The following KIRREL3 variants were observed in gnomAD, a reference collection of about 807,000 sequenced individuals.
The protein encoded by KIRREL3 is kin of IRRE-like protein 3.
Under a neutral mutation model 89.7 loss-of-function variants are expected in KIRREL3, and 36 were observed. That is an observed-to-expected ratio of 0.40 (90% confidence interval 0.31 to 0.53). The LOEUF (loss-of-function observed/expected upper bound fraction) is 0.53, where lower values mean the gene tolerates loss of function less well. Among genes scored for constraint, KIRREL3 ranks in the 20% least tolerant of loss-of-function variants. The probability of loss-of-function intolerance (pLI) is 0.49; values close to 1 mark genes in which losing one functional copy is unlikely to be tolerated. For synonymous variants in KIRREL3, 445 were observed against 441.4 expected, an observed-to-expected ratio of 1.01 and a Z score of -0.10; for missense variants, 864 against 1,056.6, an observed-to-expected ratio of 0.82 and a Z score of 2.53.
chr11:126,969,520 G>T lies in KIRREL3; in HGVS notation c.55+30935C>A, dbSNP rs897666045. Among the ~76,000 whole-genome samples, 3 of 152,176 alleles carry T rather than the reference G, an allele frequency of 2.0e-5. No individual in the cohort carries two copies. Among genetic ancestry groups the T allele is most frequent in the African/African-American group, 7.2e-5 (3 of 41,438 alleles). ...GGAGTAAGAACGTCTCCTGAGGGCG[G>T]AGGCTGTGGGTAGCAATGGAGCATG... On this transcript the variant is annotated intron_variant, in intron 1 of 16. Coordinates refer to ENST00000525144, the MANE Select transcript of KIRREL3 (RefSeq NM_032531.4). This position sits in a 1 kb window ranked among gnomAD's most constrained non-coding sequence, Gnocchi z 4.9.
chr11:126,448,850 A>G (rs1338280341), intron 8 of KIRREL3, among the ~76,000 whole-genome samples, 159 bp downstream of exon 8: 3 of 152,180 alleles, frequency 2.0e-5, no homozygotes, highest in African/African-American at 7.2e-5. Context: ...TAAACATGAA[A>G]CAATGCACAA....
chr11:126,687,168 C>T lies in KIRREL3; in HGVS notation c.56-124256G>A, dbSNP rs1946696364. ...CACCCCAGAAATAAGCTAAGTAACA[C>T]CTGCAACACTGTCATCAAACGTGCT... On this transcript the variant is annotated intron_variant, in intron 1 of 16. Coordinates refer to ENST00000525144, the MANE Select transcript of KIRREL3 (RefSeq NM_032531.4). This position sits in a 1 kb window ranked among gnomAD's most constrained non-coding sequence, Gnocchi z 4.6. Among the ~76,000 whole-genome samples the T allele has an allele frequency of 6.6e-6, 1 of 152,178 alleles. No homozygotes were observed. The highest frequency in any genetic ancestry group is 2.4e-5 in the African/African-American group (1 of 41,440).
intron 1 of KIRREL3, among the ~76,000 whole-genome samples, chr11:126,957,769 T>C (rs751464260): frequency 6.6e-6 from 1 of 152,202 alleles, no homozygotes; most frequent in Non-Finnish European, 1.5e-5. Flanking sequence ...ACACAGACAG[T>C]TAGGCATAGG....
intron 1 of KIRREL3, among the ~76,000 whole-genome samples, chr11:126,725,470 C>T (rs1408983148): frequency 6.6e-6 from 1 of 152,340 alleles, no homozygotes; most frequent in South Asian, 2.1e-4. Context: ...TTCTTGACAT[C>T]TCCATACATC....
At chr11:126,444,495 C>T (rs1182024594) in intron 10 of KIRREL3, among the ~76,000 whole-genome samples, 4 of 152,196 alleles carry the variant, frequency 2.6e-5, no homozygotes, top group Non-Finnish European at 5.9e-5. Flanking sequence ...CGTAGTGGCA[C>T]GTGCCTGTAG....
At position 126,574,371 on chromosome 11, in the gene KIRREL3, T is replaced by C. The variant is rs1941140508; in HGVS notation, c.56-11459A>G. On this transcript the variant is annotated intron_variant, in intron 1 of 16. Transcript: ENST00000525144. The surrounding 1 kb of genome is among the most constrained non-coding windows in gnomAD (Gnocchi z 5.3). ...AACAAAAATCAAAGCTCTTTTCTTC[T>C]CTTTAATGATAACCTTTCAGCAGTG... is the stretch of plus-strand genomic sequence containing the variant. 6.6e-6 allele frequency among the ~76,000 whole-genome samples: 1 copy of C among 152,122 alleles called. No individual in the cohort carries two copies. Among genetic ancestry groups the C allele is most frequent in the African/African-American group, 2.4e-5 (1 of 41,416 alleles).
chr11:126,711,732 G>C (rs946155694), intron 1 of KIRREL3, among the ~76,000 whole-genome samples: 1 of 152,208 alleles, frequency 6.6e-6, no homozygotes, highest in Non-Finnish European at 1.5e-5. Context: ...AGTAAGGTGA[G>C]AATTTAGTAG....
rs61217908 is a variant in KIRREL3 at position 126,663,182 on chromosome 11, CT to C, written c.56-100271del. 4.2e-3 allele frequency among the ~76,000 whole-genome samples: 384 copies of C among 90,788 alleles called. 1 individual carries two copies. The highest frequency in any genetic ancestry group is 9.8e-3 in the African/African-American group (223 of 22,664). 59.6% of individuals were successfully genotyped at this position (90,788 alleles called of 152,430 possible). ...GGGGAGGTTTTGATATCATGTCTGG[CT>C]TTTTTTTTTTTTTTTTTTTTGAGAT... On this transcript the variant is annotated intron_variant, in intron 1 of 16. Transcript: ENST00000525144.
At position 126,778,241 on chromosome 11, in the gene KIRREL3, A is replaced by G. The variant is rs1262331884; in HGVS notation, c.56-215329T>C. Among the ~76,000 whole-genome samples the G allele has an allele frequency of 6.6e-6, 1 of 152,158 alleles. No individual in the cohort carries two copies. The highest frequency in any genetic ancestry group is 1.5e-5 in the Non-Finnish European group (1 of 68,026). On this transcript the variant is annotated intron_variant, in intron 1 of 16. Transcript: ENST00000525144. This position sits in a 1 kb window ranked among gnomAD's most constrained non-coding sequence, Gnocchi z 4.5. The stretch of plus-strand genomic sequence containing the variant: ...TTTAATTAAAATGGGATCATATTAT[A>G]CACCTTGTTCTGTATCTTGCTTCTT...
At position 126,906,162 on chromosome 11, in the gene KIRREL3, C is replaced by CT. The variant is rs1401493820; in HGVS notation, c.55+94292dup. Among the ~76,000 whole-genome samples the CT allele has an allele frequency of 6.6e-6, 1 of 152,180 alleles. No homozygotes were observed. The highest frequency in any genetic ancestry group is 1.9e-4 in the East Asian group (1 of 5,178). ...ATTCCCTCACTCAGAGATAGGCTCT[C>CT]TTTTCTCTCTGTACACTCCAGCTCC... is the stretch of plus-strand genomic sequence containing the variant. On this transcript the variant is annotated intron_variant, in intron 1 of 16. Transcript: ENST00000525144. The surrounding 1 kb of genome is among the most constrained non-coding windows in gnomAD (Gnocchi z 4.1).
intron 1 of KIRREL3, among the ~76,000 whole-genome samples, chr11:126,727,953 G>T (rs373804804): frequency 6.6e-6 from 1 of 152,006 alleles, no homozygotes; most frequent in Non-Finnish European, 1.5e-5. Flanking sequence ...GAATTGGCTT[G>T]AAGTAGGGCT....
chr11:126,865,975 G>A (rs1944904896), intron 1 of KIRREL3, among the ~76,000 whole-genome samples: 1 of 152,046 alleles, frequency 6.6e-6, no homozygotes, highest in African/African-American at 2.4e-5. Flanking sequence ...CAGCCCAGTA[G>A]ACACAGCCCA....
In KIRREL3 at chr11:126,805,953, G is replaced by T. The variant is rs1487541258; in HGVS notation, c.55+194502C>A. Among the ~76,000 whole-genome samples, 3 of 152,112 alleles carry T rather than the reference G, an allele frequency of 2.0e-5. No homozygotes were observed. Among genetic ancestry groups the T allele is most frequent in the South Asian group, 2.1e-4 (1 of 4,826 alleles). ...TCTCCCTTGGCTGTCCTCTGAATGT[G>T]CCTGTGCCCCCAAATCCTCCCTTCA... On this transcript the variant is annotated intron_variant, in intron 1 of 16. Coordinates refer to ENST00000525144, the MANE Select transcript of KIRREL3 (RefSeq NM_032531.4). This position sits in a 1 kb window ranked among gnomAD's most constrained non-coding sequence, Gnocchi z 4.3.
At chr11:126,437,408 C>T (rs1301042072) in intron 11 of KIRREL3, among the ~76,000 whole-genome samples, 2 of 152,212 alleles carry the variant, frequency 1.3e-5, no homozygotes, top group Non-Finnish European at 2.9e-5. Context: ...ATAACACACA[C>T]ATCACCACGT....
In KIRREL3 at chr11:126,484,202, TCAC is replaced by T. The variant is rs1280020876; in HGVS notation, c.434-10739_434-10737del. The stretch of plus-strand genomic sequence containing the variant: ...ACCTGAGCACCTCTTACACTGGTCC[TCAC>T]CACATCTCTATTGCATTGACTTGTG... On this transcript the variant is annotated intron_variant, in intron 4 of 16. Transcript: ENST00000525144. This position sits in a 1 kb window ranked among gnomAD's most constrained non-coding sequence, Gnocchi z 5.2. 1.3e-5 allele frequency among the ~76,000 whole-genome samples: 2 copies of T among 152,202 alleles called. No homozygotes were observed. The highest frequency in any genetic ancestry group is 2.9e-5 in the Non-Finnish European group (2 of 68,032).
At chr11:126,838,285 T>C (rs1205266901) in intron 1 of KIRREL3, among the ~76,000 whole-genome samples, 1 of 152,220 alleles carries the variant, frequency 6.6e-6, no homozygotes, top group Non-Finnish European at 1.5e-5. Context: ...ATCTCTTAGG[T>C]TATTTTTCCC....
In KIRREL3 at chr11:126,704,439, C is replaced by A. The variant is rs1947434777; in HGVS notation, c.56-141527G>T. Among the ~76,000 whole-genome samples the A allele has an allele frequency of 1.3e-5, 2 of 152,204 alleles. No individual in the cohort carries two copies. Among genetic ancestry groups the A allele is most frequent in the South Asian group, 4.1e-4 (2 of 4,824 alleles). ...AAAAGACTGCAGCAACCAGCCCCAG[C>A]TGGCTGTAGGGGCTCACAGTCTTGT... On this transcript the variant is annotated intron_variant, in intron 1 of 16. Transcript: ENST00000525144. This position sits in a 1 kb window ranked among gnomAD's most constrained non-coding sequence, Gnocchi z 4.2.
At position 126,918,535 on chromosome 11, in the gene KIRREL3, G is replaced by A. The variant is rs1055943436; in HGVS notation, c.55+81920C>T. 1.3e-5 allele frequency among the ~76,000 whole-genome samples: 2 copies of A among 152,150 alleles called. No individual in the cohort carries two copies. The highest frequency in any genetic ancestry group is 2.9e-5 in the Non-Finnish European group (2 of 68,028). On this transcript the variant is annotated intron_variant, in intron 1 of 16. Transcript: ENST00000525144. The surrounding 1 kb of genome is among the most constrained non-coding windows in gnomAD (Gnocchi z 6.5). Reference sequence around the variant, plus strand: ...TAACTAGCTGAATTATTACGTTTTTGCATAAACATTCTTCACCATCATCCA... The same window carrying A: ...TAACTAGCTGAATTATTACGTTTTTACATAAACATTCTTCACCATCATCCA...
At position 126,484,958 on chromosome 11, in the gene KIRREL3, G is replaced by A. The variant is rs758723293; in HGVS notation, c.434-11492C>T. On this transcript the variant is annotated intron_variant, in intron 4 of 16. Coordinates refer to ENST00000525144, the MANE Select transcript of KIRREL3 (RefSeq NM_032531.4). This position sits in a 1 kb window ranked among gnomAD's most constrained non-coding sequence, Gnocchi z 5.2. ...AGCCTTTTAAATAGCTGGGATTACAGGCACCTGCCACCACGCCTGGCTGAT... is the reference window on the plus strand; with the variant it reads ...AGCCTTTTAAATAGCTGGGATTACAAGCACCTGCCACCACGCCTGGCTGAT... Among the ~76,000 whole-genome samples, 1 of 152,110 alleles carries A rather than the reference G, an allele frequency of 6.6e-6. No individual in the cohort carries two copies. Among genetic ancestry groups the A allele is most frequent in the Non-Finnish European group, 1.5e-5 (1 of 68,022 alleles).
Sources: allele counts gnomAD v4.1 joint callset (sites outside exome capture counted in the v4.1 genomes callset), GRCh38; gene constraint gnomAD v4.1.1; non-coding constraint Gnocchi (gnomAD v3.1); transcripts MANE v1.5; gene names NCBI Gene and HGNC (gene_info 2026-07-23, HGNC 2026-07-21).